Variants in TPO observed in about 807,000 individuals in gnomAD.
TPO encodes thyroid peroxidase, also known as thyroid microsomal antigen.
A neutral mutation model predicts 96.9 loss-of-function variants in TPO; 78 were observed. The ratio of observed to expected loss-of-function variants is 0.81; its 90% CI spans 0.67 to 0.97. TPO has a LOEUF of 0.97. TPO is among the 50% of genes least tolerant of loss of function. The pLI is 0.00. For synonymous variants in TPO, 547 were observed against 538.0 expected, an observed-to-expected ratio of 1.02 and a Z score of -0.23; for missense variants, 1,252 against 1,274.8, an observed-to-expected ratio of 0.98 and a Z score of 0.27.
chr2:1,493,598 G>A (rs965667221), intron 10 of TPO, among the ~76,000 whole-genome samples: 16 of 149,208 alleles, frequency 1.1e-4, no homozygotes, highest in South Asian at 4.2e-4. Flanking sequence ...GCAAACTGCC[G>A]GGCAGTGTCA....
chr2:1,387,386 A>G (rs904216580), intron 1 of TPO, among the ~76,000 whole-genome samples: 3 of 152,038 alleles, frequency 2.0e-5, no homozygotes, highest in Non-Finnish European at 4.4e-5. Context: ...ATAGTCCCAT[A>G]TTTCTTGGAG....
Position 1,542,724 on chromosome 2 carries a change from ATTACACATCT to A in TPO, c.*254_*263del. The A allele has an allele frequency of 1.8e-6, 2 of 1,105,998 alleles. No homozygotes were observed. The highest frequency in any genetic ancestry group is 2.6e-6 in the Non-Finnish European group (2 of 782,576). 68.5% of individuals were successfully genotyped at this position (1,105,998 alleles called of 1,614,324 possible). Reference sequence around the variant, plus strand: ...CTTTGCCATTAAAATGTATTTACAGATTACACATCTTTATTTTGTGAACCCTGGAAACACC... The same window carrying A: ...CTTTGCCATTAAAATGTATTTACAGATTATTTTGTGAACCCTGGAAACACC... On this transcript the variant is annotated 3_prime_UTR_variant, in exon 17 of 17. Coordinates refer to ENST00000329066, the MANE Select transcript of TPO (RefSeq NM_001206744.2).
chr2:1,540,841 G>A (rs1354491635), intron 16 of TPO, 118 bp downstream of exon 16: 4 of 1,579,672 alleles, frequency 2.5e-6, no homozygotes, highest in Non-Finnish European at 3.4e-6. Flanking sequence ...GTGTTTCCTA[G>A]TCCGTTCTGC....
chr2:1,534,104 C>G, intron 15 of TPO, among the ~76,000 whole-genome samples: 1 of 92,990 alleles, frequency 1.1e-5, no homozygotes, highest in African/African-American at 3.8e-5. Flanking sequence ...CCCCAAAACG[C>G]CCCCACTCTG....
intron 16 of TPO, chr2:1,541,234 G>T: frequency 9.1e-7 from 1 of 1,099,662 alleles, no homozygotes; most frequent in Non-Finnish European, 1.1e-6. Context: ...CCTCCAGAGG[G>T]GAGTGGGGAG....
intron 15 of TPO, among the ~76,000 whole-genome samples, chr2:1,534,580 GCCCACACTGTGCAACCGCA>G (rs1558433427): frequency 0.027 from 377 of 14,212 alleles, no homozygotes; most frequent in Middle Eastern, 0.056. Flanking sequence ...CCCCAAATCC[GCCCACACTGTGCAACCGCA>G]CCAAATCGCG....
chr2:1,478,349 C>T (rs756048730), intron 8 of TPO: 8 of 985,340 alleles, frequency 8.1e-6, no homozygotes, highest in Non-Finnish European at 9.6e-6. Context: ...TCTGTTGCAC[C>T]AGGCCCTGTG....
intron 15 of TPO, 73 bp from the exon 16 acceptor site, chr2:1,540,521 G>C (rs555399930): frequency 1.2e-6 from 2 of 1,602,926 alleles, no homozygotes; most frequent in Non-Finnish European, 1.7e-6. Flanking sequence ...GCCGTCGCTC[G>C]TGCCGTGCTC....
intron 5 of TPO, chr2:1,439,261 A>G (rs1201058458): frequency 1.2e-5 from 2 of 173,386 alleles, no homozygotes; most frequent in Admixed American, 1.2e-4. Flanking sequence ...ATCTGGGGAC[A>G]CTTAGATCTG....
intron 3 of TPO, among the ~76,000 whole-genome samples, chr2:1,427,341 G>A (rs1325937121): frequency 1.3e-5 from 2 of 152,246 alleles, no homozygotes; most frequent in Non-Finnish European, 2.9e-5. Flanking sequence ...AGGCAGGGGA[G>A]GGTTCTGGGG....
intron 2 of TPO, among the ~76,000 whole-genome samples, chr2:1,422,284 C>A (rs1232969285): frequency 6.6e-5 from 2 of 30,080 alleles, no homozygotes; most frequent in Non-Finnish European, 1.2e-4. Context: ...GGGACTGAAG[C>A]CTTGAAGACC....
At chr2:1,453,088 C>A (rs1573246334) in intron 5 of TPO, among the ~76,000 whole-genome samples, 1 of 151,970 alleles carries the variant, frequency 6.6e-6, no homozygotes, top group East Asian at 1.9e-4. Context: ...AACTGACTCT[C>A]TCTCTCTCTC....
intron 14 of TPO, among the ~76,000 whole-genome samples, chr2:1,509,254 T>A (rs1421492201): frequency 6.6e-6 from 1 of 152,204 alleles, no homozygotes; most frequent in East Asian, 1.9e-4. Flanking sequence ...GGAGAGACGG[T>A]TTGTTATTTC....
chr2:1,413,329 AG>A (rs1662554029), upstream of TPO: 1 of 152,140 alleles, frequency 6.6e-6, no homozygotes, highest in Admixed American at 6.5e-5. Context: ...GACACACAAG[AG>A]GCCCGGCGCA....
chr2:1,449,936 C>T (rs2148565625), intron 5 of TPO, among the ~76,000 whole-genome samples: 1 of 152,194 alleles, frequency 6.6e-6, no homozygotes, highest in Non-Finnish European at 1.5e-5. Context: ...AATCAAGTAG[C>T]TCCAGCAGGA....
chr2:1,530,577 G>A (rs1286510451), intron 15 of TPO, among the ~76,000 whole-genome samples: 1 of 46,490 alleles, frequency 2.2e-5, no homozygotes, highest in Non-Finnish European at 3.8e-5. Flanking sequence ...AAAATCCCAC[G>A]ATGTGTGCAA....
intron 7 of TPO, among the ~76,000 whole-genome samples, chr2:1,471,572 C>T (rs1362392341): frequency 6.6e-6 from 1 of 151,944 alleles, no homozygotes; most frequent in Non-Finnish European, 1.5e-5. Flanking sequence ...AAATGTAAAA[C>T]TTAAACTGTG....
At chr2:1,436,606 C>T (rs1349363377) in intron 5 of TPO, among the ~76,000 whole-genome samples, 1 of 152,208 alleles carries the variant, frequency 6.6e-6, no homozygotes, top group Non-Finnish European at 1.5e-5. Flanking sequence ...GTCCCATCCA[C>T]ATAGGTGCTT....
chr2:1,449,035 C>A (rs149256883), intron 5 of TPO, among the ~76,000 whole-genome samples: 162 of 152,320 alleles, frequency 1.1e-3, no homozygotes, highest in African/African-American at 3.8e-3. Context: ...AGCGGCCATT[C>A]TGCACTAAGC....
Sources: allele counts gnomAD v4.1 joint callset (sites outside exome capture counted in the v4.1 genomes callset), GRCh38; gene constraint gnomAD v4.1.1; transcripts MANE v1.5; gene names NCBI Gene and HGNC (gene_info 2026-07-23, HGNC 2026-07-21).